The following MYOCOS variants were observed in gnomAD, a reference collection of about 807,000 sequenced individuals.
MYOCOS encodes myocilin opposite strand.
chr1:171,609,972 T>G (rs1652325607), intron 1 of MYOCOS, among the ~76,000 whole-genome samples: 1 of 152,216 alleles, frequency 6.6e-6, no homozygotes. Context: ...ATCACTCACA[T>G]GGTTGTTAGT....
chr1:171,609,564 C>T (rs1053119706), intron 1 of MYOCOS, among the ~76,000 whole-genome samples: 1 of 152,172 alleles, frequency 6.6e-6, no homozygotes. Context: ...CACTTATTTC[C>T]ACACTTAGTT....
At chr1:171,621,448 T>C (rs986796825), upstream of MYOCOS, among the ~76,000 whole-genome samples, 1 of 143,486 alleles carries the variant, frequency 7.0e-6, no homozygotes. Context: ...CGATCTCGGC[T>C]CACTGCAAGC....
chr1:171,605,633 G>A (rs747461667), intron 1 of MYOCOS, among the ~76,000 whole-genome samples: 4 of 152,108 alleles, frequency 2.6e-5, no homozygotes, highest in African/African-American at 7.2e-5. Flanking sequence ...CCATAAATCA[G>A]GTGAACTTCT....
rs192849920 is a variant in MYOCOS at position 171,610,311 on chromosome 1, A to C, written c.-251-4487A>C. ...AAGTTGGTACCTCAATTGTATCTTC[A>C]AAGGTCATTCCATTATGCTATCAGA... is the stretch of plus-strand genomic sequence containing the variant. On this transcript the variant is annotated intron_variant, in intron 1 of 3. Coordinates refer to the MYOCOS transcript ENST00000636697. Among the ~76,000 whole-genome samples, 8 of 152,320 alleles carry C rather than the reference A, an allele frequency of 5.3e-5. No homozygotes were observed. The East Asian group carries it at 7.7e-4, about 15-fold the overall frequency.
At chr1:171,619,095 T>A (rs1652506785), upstream of MYOCOS, among the ~76,000 whole-genome samples, 1 of 152,244 alleles carries the variant, frequency 6.6e-6, no homozygotes, top group Admixed American at 6.5e-5. Context: ...TGCATTTTCT[T>A]CCTTTATTTT....
upstream of MYOCOS, among the ~76,000 whole-genome samples, chr1:171,620,151 T>C (rs1652531844): frequency 6.6e-6 from 1 of 150,710 alleles, no homozygotes; most frequent in Non-Finnish European, 1.5e-5. Flanking sequence ...AGAACCCTAA[T>C]ACAGGAGGAC....
chr1:171,616,501 A>T (rs1652453219), intron 2 of MYOCOS, among the ~76,000 whole-genome samples: 1 of 152,156 alleles, frequency 6.6e-6, no homozygotes, highest in Admixed American at 6.5e-5. Context: ...AGACCATGCC[A>T]TTGCACTCCA....
At chr1:171,624,756 G>A (rs189267171) in intron 2 of MYOCOS, among the ~76,000 whole-genome samples, 55 of 151,808 alleles carry the variant, frequency 3.6e-4, no homozygotes, top group African/African-American at 1.3e-3. Context: ...CAGTTTTTTT[G>A]TATTTTTAAT....
intron 1 of MYOCOS, among the ~76,000 whole-genome samples, chr1:171,612,402 T>C (rs1246921593): frequency 6.6e-6 from 1 of 152,028 alleles, no homozygotes; most frequent in Non-Finnish European, 1.5e-5. Flanking sequence ...TTTCTAAGGG[T>C]GTCACCAATC....
At chr1:171,601,594 G>A (rs1652143639) in intron 1 of MYOCOS, among the ~76,000 whole-genome samples, 1 of 152,086 alleles carries the variant, frequency 6.6e-6, no homozygotes, top group Admixed American at 6.5e-5. Flanking sequence ...ATGACTCCAG[G>A]AAAACTTAGG....
intron 1 of MYOCOS, among the ~76,000 whole-genome samples, chr1:171,613,829 C>T (rs964127660): frequency 3.9e-5 from 6 of 152,164 alleles, no homozygotes; most frequent in African/African-American, 7.2e-5. Context: ...GCCACCACAC[C>T]TAAATCCTCA....
rs576775284 is a variant in MYOCOS, at chr1:171,609,308, C to T, written c.-251-5490C>T. On this transcript the variant is annotated intron_variant, in intron 1 of 3. Coordinates refer to the MYOCOS transcript ENST00000636697. ...ATGTATTCTTCCTTGGCCCTATCTC[C>T]TCCTTGAGACTAGAGTCAAGTATCC... Among the ~76,000 whole-genome samples, 5 of 152,360 alleles carry T rather than the reference C, an allele frequency of 3.3e-5. No homozygotes were observed. The South Asian group carries it at 1.0e-3, about 32-fold the overall frequency.
At chr1:171,607,230 T>C (rs950640601) in intron 1 of MYOCOS, among the ~76,000 whole-genome samples, 2 of 152,146 alleles carry the variant, frequency 1.3e-5, no homozygotes, top group African/African-American at 4.8e-5. Context: ...TTTAGAAATA[T>C]ACAATGCTTG....
rs946746296 is a variant in MYOCOS, at chr1:171,626,482, G to A, written c.124G>A (p.Glu42Lys). The change falls in exon 3 of 3, where the codon GAA becomes AAA. Residue 42 changes from glutamate (E) to lysine (K), a missense_variant. Transcript: ENST00000637642. ...RKEIITQKSD[E>K]AKEMLSHLDL... The stretch of plus-strand genomic sequence containing the variant: ...AGAGATAATTACCCAGAAAAGTGAT[G>A]AAGCTAAGGAGATGCTCTCCCACTT... 4 of 398,544 alleles carry A rather than the reference G, an allele frequency of 1.0e-5. No individual in the cohort carries two copies. Among genetic ancestry groups the A allele is most frequent in the Non-Finnish European group, 1.8e-5 (4 of 226,098 alleles). The allele number at this position is 398,544 out of a possible 1,614,324, so 24.7% of individuals were successfully genotyped here.
At chr1:171,625,277 A>G (rs1652671948) in intron 2 of MYOCOS, among the ~76,000 whole-genome samples, 1 of 152,142 alleles carries the variant, frequency 6.6e-6, no homozygotes, top group Non-Finnish European at 1.5e-5. Context: ...CTAGCCACCA[A>G]ACAATTCCCT....
chr1:171,621,943 G>A (rs1652585097), upstream of MYOCOS, among the ~76,000 whole-genome samples: 1 of 152,138 alleles, frequency 6.6e-6, no homozygotes, highest in Admixed American at 6.5e-5. Flanking sequence ...TGCCCTAGAA[G>A]ATACTATTAC....
upstream of MYOCOS, among the ~76,000 whole-genome samples, chr1:171,619,745 A>G (rs1210875786): frequency 1.3e-5 from 2 of 151,764 alleles, no homozygotes; most frequent in Non-Finnish European, 2.9e-5. Context: ...GCTGAGGCAC[A>G]TAATCATTTG....
chr1:171,618,244 T>TCAACCAA (rs1652485994), upstream of MYOCOS, among the ~76,000 whole-genome samples: 1 of 152,192 alleles, frequency 6.6e-6, no homozygotes, highest in Non-Finnish European at 1.5e-5. Context: ...ACCAACCAAG[T>TCAACCAA]TCAGAGACTC....
chr1:171,601,612 G>A (rs779768575), intron 1 of MYOCOS, among the ~76,000 whole-genome samples: 38 of 152,176 alleles, frequency 2.5e-4, no homozygotes, highest in Non-Finnish European at 1.3e-4. Flanking sequence ...AGGACTTTGT[G>A]TGACATAGAC....
Sources: allele counts gnomAD v4.1 joint callset (sites outside exome capture counted in the v4.1 genomes callset), GRCh38; gene constraint gnomAD v4.1.1; transcripts MANE v1.5; gene names NCBI Gene and HGNC (gene_info 2026-07-23, HGNC 2026-07-21).